Variants in PPFIBP2 observed in about 807,000 individuals in gnomAD.
PPFIBP2 encodes PPFIB scaffold protein 2.
PPFIBP2 carries 118 observed loss-of-function variants against 118.3 expected under a neutral mutation model. The observed-to-expected ratio is 1.00, with a 90% CI of 0.86 to 1.16. The LOEUF is 1.16. Ranked by LOEUF, PPFIBP2 falls within the 50% of genes most tolerant of loss-of-function variation. The probability of loss-of-function intolerance (pLI) is 0.00; values close to 1 mark genes in which losing one functional copy is unlikely to be tolerated. For synonymous variants in PPFIBP2, 414 were observed against 397.4 expected, an observed-to-expected ratio of 1.04 and a Z score of -0.50; for missense variants, 1,195 against 1,073.1, an observed-to-expected ratio of 1.11 and a Z score of -1.59.
At chr11:7,648,359 AG>A (rs887316251) in intron 17 of PPFIBP2, 27 bp from the exon 18 acceptor site, 1 of 1,585,800 alleles carries the variant, frequency 6.3e-7, no homozygotes, top group African/African-American at 1.3e-5. Context: ...TCCCACTAAC[AG>A]GAATATGCTG....
chr11:7,605,951 G>T, intron 5 of PPFIBP2: 3 of 1,533,582 alleles, frequency 2.0e-6, no homozygotes, highest in Non-Finnish European at 2.6e-6. Context: ...AGCCAGAGTG[G>T]ATACTGAATG....
chr11:7,610,867 CT>C (rs769749387), intron 6 of PPFIBP2, among the ~76,000 whole-genome samples: 21 of 152,312 alleles, frequency 1.4e-4, no homozygotes, highest in Admixed American at 3.3e-4. Flanking sequence ...TGATGTGTTT[CT>C]CTTTTCCTGA....
At chr11:7,558,693 T>C (rs1162713109) in intron 2 of PPFIBP2, among the ~76,000 whole-genome samples, 1 of 151,670 alleles carries the variant, frequency 6.6e-6, no homozygotes. Context: ...GAGGCGGAGG[T>C]TGCAGTGAGC....
chr11:7,651,184 G>A, intron 22 of PPFIBP2: 1 of 474,604 alleles, frequency 2.1e-6, no homozygotes, highest in East Asian at 3.6e-5. Flanking sequence ...TCCTTGGCAT[G>A]AGACTTGAGG....
intron 1 of PPFIBP2, among the ~76,000 whole-genome samples, chr11:7,544,581 T>C (rs1394699679): frequency 6.6e-6 from 1 of 151,988 alleles, no homozygotes; most frequent in Non-Finnish European, 1.5e-5. Context: ...GAGACCATCC[T>C]GGCTAACACG....
At chr11:7,645,360 G>A (rs918756513) in intron 17 of PPFIBP2, among the ~76,000 whole-genome samples, 1 of 152,124 alleles carries the variant, frequency 6.6e-6, no homozygotes, top group Non-Finnish European at 1.5e-5. Flanking sequence ...TCAGTGCTCT[G>A]TACTCACTAA....
intron 3 of PPFIBP2, among the ~76,000 whole-genome samples, chr11:7,569,784 G>T (rs897432221): frequency 1.3e-5 from 2 of 152,190 alleles, no homozygotes; most frequent in East Asian, 1.9e-4. Flanking sequence ...CTGAGGCCCT[G>T]GCTGGAAGGC....
intron 1 of PPFIBP2, among the ~76,000 whole-genome samples, chr11:7,533,152 A>G (rs891627681): frequency 6.6e-6 from 1 of 152,146 alleles, no homozygotes; most frequent in Non-Finnish European, 1.5e-5. Flanking sequence ...CAGGAATACA[A>G]TTGCATCCAT....
downstream of PPFIBP2, among the ~76,000 whole-genome samples, chr11:7,658,077 T>G (rs1051137156): frequency 6.6e-6 from 1 of 152,250 alleles, no homozygotes; most frequent in Non-Finnish European, 1.5e-5. Flanking sequence ...CAGACCAGTT[T>G]CAAACAAGAC....
intron 8 of PPFIBP2, among the ~76,000 whole-genome samples, chr11:7,627,223 A>G (rs1490647985): frequency 6.6e-6 from 1 of 152,220 alleles, no homozygotes; most frequent in Non-Finnish European, 1.5e-5. Context: ...CCAGTGGATC[A>G]GGGTTGGCAG....
chr11:7,526,684 A>C (rs917962132), intron 1 of PPFIBP2, among the ~76,000 whole-genome samples: 2 of 152,252 alleles, frequency 1.3e-5, no homozygotes, highest in Admixed American at 1.3e-4. Flanking sequence ...CATCCTGGCT[A>C]ACACGGTGAA....
At chr11:7,528,023 G>A (rs1168800939) in intron 1 of PPFIBP2, among the ~76,000 whole-genome samples, 1 of 152,154 alleles carries the variant, frequency 6.6e-6, no homozygotes, top group African/African-American at 2.4e-5. Flanking sequence ...ATCATCTCAA[G>A]TTTCCCTAGG....
chr11:7,634,502 A>G lies in PPFIBP2; in HGVS notation c.1144A>G (p.Lys382Glu). 1 of 1,612,350 alleles carries G rather than the reference A, an allele frequency of 6.2e-7. No homozygotes were observed. Among genetic ancestry groups the G allele is most frequent in the Non-Finnish European group, 8.5e-7 (1 of 1,178,372 alleles). Residue 382 changes from lysine to glutamate, a missense_variant, in exon 13 of 24, where the codon AAA (lysine) becomes GAA (glutamate). Transcript: ENST00000299492. Reference protein sequence around the residue: ...PQKSLETRAQKKLSCSLEDLR... With the variant: ...PQKSLETRAQEKLSCSLEDLR... The stretch of plus-strand genomic sequence containing the variant: ...CTTTTGTGTTTTTTTCAGGGCTCAG[A>G]AAAAGCTCTCTTGTAGTCTAGAAGA...
rs114186868 is a variant in PPFIBP2, at chr11:7,617,337, G to A, written c.619-3598G>A. ...GTATATCAGAGCATGCGTGTGTGGG[G>A]CATTTCACTGGTGGAGGGGCTGGGG... On this transcript the variant is annotated intron_variant, in intron 6 of 23. Coordinates refer to ENST00000299492, the MANE Select transcript of PPFIBP2 (RefSeq NM_003621.5). 1.1e-3 allele frequency: 1,034 copies of A among 977,670 alleles called. 9 individuals are homozygous for A. In the African/African-American group the frequency reaches 0.017, roughly 16 times the overall value. 60.6% of individuals were successfully genotyped at this position (977,670 alleles called of 1,614,324 possible).
At chr11:7,647,721 G>A (rs1164909876) in intron 17 of PPFIBP2, among the ~76,000 whole-genome samples, 1 of 152,158 alleles carries the variant, frequency 6.6e-6, no homozygotes, top group Non-Finnish European at 1.5e-5. Flanking sequence ...TTTCTAAATG[G>A]GCAGTCCTGA....
At chr11:7,621,636 G>A (rs535121464) in intron 7 of PPFIBP2, among the ~76,000 whole-genome samples, 1 of 152,100 alleles carries the variant, frequency 6.6e-6, no homozygotes, top group Non-Finnish European at 1.5e-5. Flanking sequence ...AAACTAGTGG[G>A]TTACATTCAG....
chr11:7,642,206 C>A, intron 16 of PPFIBP2, 92 bp from the exon 17 acceptor site: 1 of 1,490,186 alleles, frequency 6.7e-7, no homozygotes, highest in South Asian at 1.3e-5. Context: ...AGTCCCTGTG[C>A]TGGCCTGCAT....
chr11:7,597,550 C>A lies in PPFIBP2; in HGVS notation c.373-10C>A. On this transcript the variant is annotated splice_polypyrimidine_tract_variant and intron_variant, in intron 4 of 23. Transcript: ENST00000299492. ...CTGGTCCTCCACCATTGCTTTATTTCCTGGAACAGGTGAGTGTCCTCACAG... is the reference window on the plus strand; with the variant it reads ...CTGGTCCTCCACCATTGCTTTATTTACTGGAACAGGTGAGTGTCCTCACAG... 6.2e-7 allele frequency: 1 copy of A among 1,611,060 alleles called. No homozygotes were observed. The highest frequency in any genetic ancestry group is 8.5e-7 in the Non-Finnish European group (1 of 1,177,952).
intron 3 of PPFIBP2, chr11:7,577,535 G>C: frequency 2.2e-6 from 1 of 456,622 alleles, no homozygotes; most frequent in Non-Finnish European, 4.4e-6. Flanking sequence ...CTGGTCTCCA[G>C]CCAGGAAAAG....
Sources: allele counts gnomAD v4.1 joint callset (sites outside exome capture counted in the v4.1 genomes callset), GRCh38; gene constraint gnomAD v4.1.1; transcripts MANE v1.5; gene names NCBI Gene and HGNC (gene_info 2026-07-23, HGNC 2026-07-21).